TMEM178B: variants seen among roughly 807,000 people sequenced by gnomAD.
TMEM178B encodes transmembrane protein 178B.
TMEM178B carries 5 observed loss-of-function variants against 31.0 expected under a neutral mutation model. The ratio of observed to expected loss-of-function variants is 0.16; its 90% CI spans 0.08 to 0.34. The LOEUF (loss-of-function observed/expected upper bound fraction) is 0.34. Among genes scored for constraint, TMEM178B ranks in the 10% least tolerant of loss-of-function variants. The pLI, the probability that TMEM178B is intolerant of heterozygous loss-of-function variation, is 1.00. For missense variants in TMEM178B, 275 were observed against 400.3 expected, an observed-to-expected ratio of 0.69 and a Z score of 2.67; for synonymous variants, 164 against 164.0, an observed-to-expected ratio of 1.00 and a Z score of 0.00.
At chr7:141,385,865 C>T (rs920163764) in intron 2 of TMEM178B, among the ~76,000 whole-genome samples, 1 of 152,220 alleles carries the variant, frequency 6.6e-6, no homozygotes, top group South Asian at 2.1e-4. Flanking sequence ...CTTCTCTCTA[C>T]ACCACCCTAA....
chr7:141,452,591 T>C (rs900574945), intron 3 of TMEM178B, among the ~76,000 whole-genome samples: 3 of 152,174 alleles, frequency 2.0e-5, no homozygotes, highest in African/African-American at 7.2e-5. Flanking sequence ...ATTGCAGTAG[T>C]TTGGGAGTCA....
At chr7:141,159,456 C>T (rs1333763643) in intron 1 of TMEM178B, among the ~76,000 whole-genome samples, 1 of 152,100 alleles carries the variant, frequency 6.6e-6, no homozygotes, top group African/African-American at 2.4e-5. Flanking sequence ...GGGCATACAC[C>T]CCCCAGAATT....
At chr7:141,234,617 C>T (rs935313771) in intron 2 of TMEM178B, among the ~76,000 whole-genome samples, 5 of 152,168 alleles carry the variant, frequency 3.3e-5, no homozygotes, top group African/African-American at 9.7e-5. Flanking sequence ...CCCCCTCGTG[C>T]AGAACCTGGT....
intron 2 of TMEM178B, among the ~76,000 whole-genome samples, chr7:141,373,777 G>A (rs1306498584): frequency 6.6e-6 from 1 of 152,208 alleles, no homozygotes; most frequent in African/African-American, 2.4e-5. Flanking sequence ...GGTTCTGAAG[G>A]GTGAGCTGGG....
chr7:141,328,527 C>T (rs1301704321), intron 2 of TMEM178B, among the ~76,000 whole-genome samples: 1 of 152,224 alleles, frequency 6.6e-6, no homozygotes, highest in Non-Finnish European at 1.5e-5. Context: ...CACTCAGGGT[C>T]TCTGGGTCTA....
intron 2 of TMEM178B, among the ~76,000 whole-genome samples, chr7:141,273,373 A>G (rs942842472): frequency 1.2e-4 from 18 of 152,224 alleles, no homozygotes; most frequent in African/African-American, 4.3e-4. Flanking sequence ...ACATGTATCA[A>G]ATTATCACAT....
chr7:141,219,401 C>T lies in TMEM178B; in HGVS notation c.496+6697C>T, dbSNP rs138869690. On this transcript the variant is annotated intron_variant, in intron 2 of 3. Coordinates refer to ENST00000565468, the MANE Select transcript of TMEM178B (RefSeq NM_001195278.2). ...CATTTTCCTTCTCCCACATTCGCAT[C>T]GGTGCTCAGCCAGTATGAGGCTCTT... is the stretch of plus-strand genomic sequence containing the variant. 6.1e-3 allele frequency among the ~76,000 whole-genome samples: 934 copies of T among 152,308 alleles called. 6 individuals are homozygous for T. The highest frequency in any genetic ancestry group is 0.021 in the African/African-American group (873 of 41,568).
intron 1 of TMEM178B, among the ~76,000 whole-genome samples, chr7:141,163,412 TGAGA>T (rs1796209073): frequency 6.6e-6 from 1 of 152,076 alleles, no homozygotes; most frequent in South Asian, 2.1e-4. Flanking sequence ...ACTTCATTGG[TGAGA>T]GAAACTGTGA....
chr7:141,219,396 C>T (rs374586718), intron 2 of TMEM178B, among the ~76,000 whole-genome samples: 27 of 152,326 alleles, frequency 1.8e-4, no homozygotes, highest in African/African-American at 5.5e-4. Context: ...CTCCCACATT[C>T]GCATCGGTGC....
chr7:141,404,968 C>A (rs1417662960), intron 2 of TMEM178B, among the ~76,000 whole-genome samples: 2 of 152,222 alleles, frequency 1.3e-5, no homozygotes, highest in African/African-American at 4.8e-5. Flanking sequence ...CCGTCCACCC[C>A]CTTGCAGTAT....
At chr7:141,179,421 A>T (rs1179443470) in intron 1 of TMEM178B, among the ~76,000 whole-genome samples, 1 of 151,978 alleles carries the variant, frequency 6.6e-6, no homozygotes, top group East Asian at 1.9e-4. Flanking sequence ...ACAGAAGGCA[A>T]GGAGAGGCTT....
At chr7:141,316,397 T>C (rs1425823806) in intron 2 of TMEM178B, among the ~76,000 whole-genome samples, 1 of 152,222 alleles carries the variant, frequency 6.6e-6, no homozygotes, top group Admixed American at 6.5e-5. Flanking sequence ...TTTATATCCA[T>C]TTCCTAGGAT....
At chr7:141,263,687 A>G (rs1488640490) in intron 2 of TMEM178B, among the ~76,000 whole-genome samples, 1 of 152,126 alleles carries the variant, frequency 6.6e-6, no homozygotes, top group Non-Finnish European at 1.5e-5. Flanking sequence ...GTTTCCTGGA[A>G]ACTTCCTGGT....
intron 2 of TMEM178B, among the ~76,000 whole-genome samples, chr7:141,253,627 G>A (rs544259400): frequency 7.7e-6 from 1 of 129,784 alleles, no homozygotes; most frequent in South Asian, 2.6e-4. Flanking sequence ...CTCAGCTCAC[G>A]GCAACCTCCG....
chr7:141,074,519 C>G lies in TMEM178B; in HGVS notation c.209C>G (p.Ser70Trp), dbSNP rs1267637526. The G allele has an allele frequency of 5.9e-6, 9 of 1,535,992 alleles. No individual in the cohort carries two copies. The highest frequency in any genetic ancestry group is 2.4e-5 in the East Asian group (1 of 40,906). Residue 70 changes from serine (S) to tryptophan (W), a missense_variant, in exon 1 of 4, where the codon TCG (serine) becomes TGG (tryptophan). Transcript: ENST00000565468. This position sits in a 1 kb window ranked among gnomAD's most constrained non-coding sequence, Gnocchi z 5.1. ...AACTTGCCGCTCCGGGCGAGCCGCTCGCGCCTGGACCGCTGGGAGGGCAAA... is the reference window on the plus strand; with the variant it reads ...AACTTGCCGCTCCGGGCGAGCCGCTGGCGCCTGGACCGCTGGGAGGGCAAA... ...NNNLPLRASR[S>W]RLDRWEGKLL...
chr7:141,230,393 A>G (rs990855915), intron 2 of TMEM178B, among the ~76,000 whole-genome samples: 4 of 152,242 alleles, frequency 2.6e-5, no homozygotes, highest in Admixed American at 6.5e-5. Flanking sequence ...TGATAAAAAA[A>G]GTTACTCATT....
Position 141,328,202 on chromosome 7 carries a change from A to G in TMEM178B, c.497-109406A>G, listed in dbSNP as rs112902476. ...TGGTCATCACATTTCTTCTGGAGGC[A>G]CAGACCCCGTTATTGTGACTGGAAT... is the stretch of plus-strand genomic sequence containing the variant. On this transcript the variant is annotated intron_variant, in intron 2 of 3. Transcript: ENST00000565468. Among the ~76,000 whole-genome samples the G allele has an allele frequency of 8.2e-3, 1,246 of 152,320 alleles. 13 individuals are homozygous for G. Among genetic ancestry groups the G allele is most frequent in the Non-Finnish European group, 0.011 (759 of 68,030 alleles).
intron 1 of TMEM178B, among the ~76,000 whole-genome samples, chr7:141,186,686 A>G (rs1238806439): frequency 1.3e-5 from 2 of 152,218 alleles, no homozygotes; most frequent in Admixed American, 1.3e-4. Flanking sequence ...ATGGGTGGCC[A>G]AGGCATGCTT....
At chr7:141,319,297 A>T (rs1300133713) in intron 2 of TMEM178B, among the ~76,000 whole-genome samples, 1 of 152,240 alleles carries the variant, frequency 6.6e-6, no homozygotes, top group African/African-American at 2.4e-5. Context: ...TTGGGCCCAC[A>T]GGCAGAAGAC....
Sources: gnomAD v4.1 joint callset for allele counts (sites outside exome capture counted in the v4.1 genomes callset) on GRCh38, gnomAD v4.1.1 for gene constraint, Gnocchi (gnomAD v3.1) non-coding constraint, MANE v1.5 for transcripts, NCBI Gene and HGNC (gene_info 2026-07-23, HGNC 2026-07-21) for gene names.